The following CD247 variants were observed in gnomAD, a reference collection of about 807,000 sequenced individuals.
The protein encoded by CD247 is CD247 molecule.
In CD247, 13 loss-of-function variants were observed where a neutral mutation model predicts 30.0. The observed-to-expected ratio is 0.43, with a 90% CI of 0.28 to 0.69. CD247 has a LOEUF of 0.69. Among genes scored for constraint, CD247 ranks in the 30% least tolerant of loss-of-function variants. CD247 has a pLI of 0.16. For missense variants in CD247, 193 were observed against 212.6 expected (o/e 0.91, Z 0.57); for synonymous variants, 72 against 80.0 (o/e 0.90, Z 0.53).
At chr1:167,460,229 C>T (rs1418114911) in intron 1 of CD247, among the ~76,000 whole-genome samples, 2 of 151,936 alleles carry the variant, frequency 1.3e-5, no homozygotes, top group Non-Finnish European at 2.9e-5. Context: ...TGGCGAAATC[C>T]CGTCTCTACA....
At chr1:167,495,254 A>G (rs1207494522) in intron 1 of CD247, among the ~76,000 whole-genome samples, 1 of 152,186 alleles carries the variant, frequency 6.6e-6, no homozygotes, top group African/African-American at 2.4e-5. Flanking sequence ...AGTTTCTTCA[A>G]CTGTAAAATG....
chr1:167,478,517 C>A (rs989154975), intron 1 of CD247, among the ~76,000 whole-genome samples: 5 of 152,096 alleles, frequency 3.3e-5, no homozygotes, highest in Non-Finnish European at 7.4e-5. Flanking sequence ...TGAACAAGGA[C>A]CAGTGGAACA....
At chr1:167,514,393 C>T (rs1277630890) in intron 1 of CD247, among the ~76,000 whole-genome samples, 1 of 152,134 alleles carries the variant, frequency 6.6e-6, no homozygotes, top group Admixed American at 6.5e-5. Context: ...CCCGTCTCGG[C>T]CTCCCAGAGT....
intron 4 of CD247, among the ~76,000 whole-genome samples, chr1:167,435,690 C>T (rs778377810): frequency 1.3e-4 from 20 of 152,256 alleles, no homozygotes; most frequent in Non-Finnish European, 2.8e-4. Flanking sequence ...CAGCATTGCC[C>T]AGGGCAGGCC....
intron 1 of CD247, among the ~76,000 whole-genome samples, chr1:167,461,194 A>T (rs1652992472): frequency 6.6e-6 from 1 of 151,860 alleles, no homozygotes; most frequent in South Asian, 2.1e-4. Context: ...CGGCTTCCAA[A>T]CTCAGCCGGG....
chr1:167,474,752 C>CTTTT (rs1175876563), intron 1 of CD247, among the ~76,000 whole-genome samples: 4 of 123,304 alleles, frequency 3.2e-5, no homozygotes, highest in African/African-American at 9.1e-5. Context: ...TTAAAACTGT[C>CTTTT]TTTTTTTTTT....
intron 1 of CD247, among the ~76,000 whole-genome samples, chr1:167,469,088 T>G (rs1435422984): frequency 6.6e-6 from 1 of 152,176 alleles, no homozygotes; most frequent in Non-Finnish European, 1.5e-5. Context: ...GTTCAAGTGA[T>G]TCTCATGCCT....
At chr1:167,439,489 GC>G (rs1651719240) in intron 2 of CD247, 89 bp from the exon 3 acceptor site, 2 of 1,113,730 alleles carry the variant, frequency 1.8e-6, no homozygotes, top group Admixed American at 1.7e-5. Context: ...CCGAGGGACA[GC>G]CCTACTCCGC....
At chr1:167,508,989 A>AT (rs1224721649) in intron 1 of CD247, among the ~76,000 whole-genome samples, 2 of 152,248 alleles carry the variant, frequency 1.3e-5, no homozygotes, top group Non-Finnish European at 2.9e-5. Context: ...TGTTGGTTTG[A>AT]TTTGGGGCAC....
chr1:167,507,032 G>C (rs1469551058), intron 1 of CD247, among the ~76,000 whole-genome samples: 1 of 151,742 alleles, frequency 6.6e-6, no homozygotes, highest in African/African-American at 2.4e-5. Flanking sequence ...GAGTAGCTGG[G>C]ACTACAGGAG....
chr1:167,448,396 T>C (rs1652190319), intron 1 of CD247: 1 of 985,316 alleles, frequency 1.0e-6, no homozygotes, highest in Admixed American at 6.1e-5. Flanking sequence ...CACCAGGCTG[T>C]GGAGTCCCTT....
chr1:167,516,758 G>T (rs1214565654), intron 1 of CD247, among the ~76,000 whole-genome samples: 1 of 152,182 alleles, frequency 6.6e-6, no homozygotes, highest in Non-Finnish European at 1.5e-5. Flanking sequence ...CAGCCAATGT[G>T]CAGTTTTCTC....
intron 1 of CD247, among the ~76,000 whole-genome samples, chr1:167,458,075 C>T (rs1319066011): frequency 4.6e-5 from 7 of 152,200 alleles, no homozygotes; most frequent in Non-Finnish European, 7.3e-5. Context: ...AGTGCGTGAC[C>T]TTAGGGAAGT....
intron 1 of CD247, among the ~76,000 whole-genome samples, chr1:167,509,361 C>T (rs1655282132): frequency 7.7e-6 from 1 of 130,432 alleles, no homozygotes; most frequent in Admixed American, 8.1e-5. Flanking sequence ...CGAAGCGAAA[C>T]TCTGTCTCAA....
intron 1 of CD247, among the ~76,000 whole-genome samples, chr1:167,510,131 A>T (rs1413942302): frequency 6.6e-6 from 1 of 152,156 alleles, no homozygotes; most frequent in Non-Finnish European, 1.5e-5. Flanking sequence ...CCTTCCTTCT[A>T]TGGAGCTGTC....
At chr1:167,509,000 A>G (rs1310811155) in intron 1 of CD247, among the ~76,000 whole-genome samples, 1 of 152,196 alleles carries the variant, frequency 6.6e-6, no homozygotes, top group South Asian at 2.1e-4. Flanking sequence ...TTTGGGGCAC[A>G]TGAGAGGTGC....
chr1:167,460,252 A>G (rs1652930143), intron 1 of CD247, among the ~76,000 whole-genome samples: 1 of 152,040 alleles, frequency 6.6e-6, no homozygotes, highest in Non-Finnish European at 1.5e-5. Context: ...AAATAGAAAA[A>G]TTATCTGGGT....
At chr1:167,487,098 G>A (rs921259693) in intron 1 of CD247, among the ~76,000 whole-genome samples, 1 of 147,596 alleles carries the variant, frequency 6.8e-6, no homozygotes. Flanking sequence ...GAAGAAAACG[G>A]CCGGGTGTGA....
At chr1:167,502,106 T>C (rs1654936755) in intron 1 of CD247, among the ~76,000 whole-genome samples, 1 of 152,204 alleles carries the variant, frequency 6.6e-6, no homozygotes, top group South Asian at 2.1e-4. Flanking sequence ...GGGCCAGTCA[T>C]CTCAGCAGGT....
Sources: gnomAD v4.1 joint callset for allele counts (sites outside exome capture counted in the v4.1 genomes callset) on GRCh38, gnomAD v4.1.1 for gene constraint, MANE v1.5 for transcripts, NCBI Gene and HGNC (gene_info 2026-07-23, HGNC 2026-07-21) for gene names.